CADM2: variants seen among roughly 807,000 people sequenced by gnomAD.
CADM2 encodes the protein immunoglobulin superfamily member 4D.
A neutral mutation model predicts 49.8 loss-of-function variants in CADM2; 12 were observed. The observed-to-expected ratio is 0.24, with a 90% CI of 0.15 to 0.39. The LOEUF (loss-of-function observed/expected upper bound fraction) is 0.39, where lower values mean the gene tolerates loss of function less well. CADM2 is among the 10% of genes least tolerant of loss of function. CADM2 has a pLI of 1.00. For missense variants in CADM2, 378 were observed against 492.3 expected, an observed-to-expected ratio of 0.77 and a Z score of 2.20; for synonymous variants, 214 against 175.4, an observed-to-expected ratio of 1.22 and a Z score of -1.74.
At position 85,288,062 on chromosome 3, in the gene CADM2, A is replaced by G. The variant is rs532326086; in HGVS notation, c.61+328394A>G. On this transcript the variant is annotated intron_variant, in intron 1 of 9. Transcript: ENST00000383699. The stretch of plus-strand genomic sequence containing the variant: ...GTATACATATGTAACAAACCTGCAC[A>G]TTGTGCACATATACCCTAAAACTTA... Among the ~76,000 whole-genome samples the G allele has an allele frequency of 5.9e-5, 9 of 152,178 alleles. No individual in the cohort carries two copies. The East Asian group carries it at 1.5e-3, about 26-fold the overall frequency.
rs535424672 is a variant in CADM2, at chr3:85,896,417, C to T, written c.529+10090C>T. ...TTTGAATATATAAAGATCTGCCATT[C>T]GGTAATAAGAAATGTATAAGTTTTA... is the stretch of plus-strand genomic sequence containing the variant. On this transcript the variant is annotated intron_variant, in intron 5 of 9. Transcript: ENST00000383699. 2.7e-4 allele frequency among the ~76,000 whole-genome samples: 41 copies of T among 152,222 alleles called. No individual in the cohort carries two copies. The South Asian group carries it at 5.8e-3, about 22-fold the overall frequency.
intron 1 of CADM2, among the ~76,000 whole-genome samples, chr3:85,081,620 C>T (rs2037168391): frequency 6.6e-6 from 1 of 152,080 alleles, no homozygotes; most frequent in Non-Finnish European, 1.5e-5. Context: ...CTCAGTGATT[C>T]CTTTTGAGTT....
chr3:85,530,897 CACACACACACACACACAA>C (rs1315508549), intron 1 of CADM2, among the ~76,000 whole-genome samples: 1 of 150,308 alleles, frequency 6.7e-6, no homozygotes, highest in South Asian at 2.1e-4. Context: ...CACACACACA[CACACACACACACACACAA>C]AATTCATTAT....
chr3:84,977,301 G>A (rs2031880542), intron 1 of CADM2, among the ~76,000 whole-genome samples: 2 of 151,970 alleles, frequency 1.3e-5, no homozygotes, highest in Admixed American at 1.3e-4. Context: ...TAAGAACTTA[G>A]GATGATATTT....
intron 8 of CADM2, among the ~76,000 whole-genome samples, chr3:86,009,780 AT>A (rs1731266356): frequency 6.6e-6 from 1 of 151,784 alleles, no homozygotes; most frequent in African/African-American, 2.4e-5. Context: ...TTATTTTTTA[AT>A]TGACAAATAA....
intron 1 of CADM2, among the ~76,000 whole-genome samples, chr3:85,362,833 C>T (rs749992907): frequency 2.0e-5 from 3 of 152,106 alleles, no homozygotes. Context: ...ATCACATTCC[C>T]ATGAATACTG....
At chr3:85,910,282 A>C (rs543550876) in intron 5 of CADM2, among the ~76,000 whole-genome samples, 5 of 152,230 alleles carry the variant, frequency 3.3e-5, no homozygotes, top group Admixed American at 1.3e-4. Context: ...ATATTTTCTT[A>C]CTCTGACACT....
At chr3:85,740,632 G>C (rs529441463) in intron 2 of CADM2, among the ~76,000 whole-genome samples, 1 of 152,026 alleles carries the variant, frequency 6.6e-6, no homozygotes, top group Non-Finnish European at 1.5e-5. Flanking sequence ...TATCTATGCA[G>C]TTTACCACCA....
chr3:85,976,878 G>C (rs1282365001), intron 8 of CADM2, among the ~76,000 whole-genome samples: 1 of 151,412 alleles, frequency 6.6e-6, no homozygotes, highest in African/African-American at 2.4e-5. Flanking sequence ...ATGTTGTTTT[G>C]AAGTGGATTA....
At chr3:85,949,197 C>CT (rs927788758) in intron 7 of CADM2, among the ~76,000 whole-genome samples, 7 of 150,612 alleles carry the variant, frequency 4.6e-5, no homozygotes, top group South Asian at 2.1e-4. Flanking sequence ...ATTTATATGA[C>CT]TTTTTTTTAA....
chr3:85,406,340 C>T (rs1227197136), intron 1 of CADM2, among the ~76,000 whole-genome samples: 2 of 151,910 alleles, frequency 1.3e-5, no homozygotes, highest in Non-Finnish European at 2.9e-5. Context: ...TATTTTTACA[C>T]ATCACAAATA....
At chr3:85,365,196 T>TC (rs2032668490) in intron 1 of CADM2, among the ~76,000 whole-genome samples, 1 of 99,560 alleles carries the variant, frequency 1.0e-5, no homozygotes, top group Non-Finnish European at 2.3e-5. Flanking sequence ...TTTTTTTTTT[T>TC]TACTTTTTTT....
At chr3:85,015,814 G>T (rs997592171) in intron 1 of CADM2, among the ~76,000 whole-genome samples, 1 of 152,158 alleles carries the variant, frequency 6.6e-6, no homozygotes, top group East Asian at 1.9e-4. Context: ...GGTTTTCAAA[G>T]GGGTGAACTA....
intron 1 of CADM2, among the ~76,000 whole-genome samples, chr3:85,216,839 T>C (rs2041939450): frequency 6.6e-6 from 1 of 152,094 alleles, no homozygotes; most frequent in South Asian, 2.1e-4. Flanking sequence ...ATATTTTCTT[T>C]GTAGAATAGG....
chr3:85,289,474 A>G (rs2043721296), intron 1 of CADM2, among the ~76,000 whole-genome samples: 1 of 152,224 alleles, frequency 6.6e-6, no homozygotes, highest in African/African-American at 2.4e-5. Flanking sequence ...AAGATAAGAA[A>G]TGTTGATTAT....
At chr3:85,272,965 A>G (rs1445900870) in intron 1 of CADM2, among the ~76,000 whole-genome samples, 2 of 151,432 alleles carry the variant, frequency 1.3e-5, no homozygotes, top group Non-Finnish European at 3.0e-5. Flanking sequence ...ATGATGAACA[A>G]CAACAACAAT....
Position 85,640,098 on chromosome 3 carries a change from C to T in CADM2, c.62-86424C>T, listed in dbSNP as rs183521768. Among the ~76,000 whole-genome samples, 4 of 152,250 alleles carry T rather than the reference C, an allele frequency of 2.6e-5. No individual in the cohort carries two copies. The East Asian group carries it at 5.8e-4, about 22-fold the overall frequency. On this transcript the variant is annotated intron_variant, in intron 1 of 9. Transcript: ENST00000383699. ...GAGGACCTTGTTCCTCAATGTCCTC[C>T]GTGTAATTCTGTGGTCTCCTGCCTC...
intron 1 of CADM2, among the ~76,000 whole-genome samples, chr3:85,710,607 G>A (rs1335774405): frequency 6.6e-6 from 1 of 152,084 alleles, no homozygotes; most frequent in Non-Finnish European, 1.5e-5. Flanking sequence ...ATTGAGGACA[G>A]TTTAATACAG....
chr3:85,795,332 T>C (rs2071557927), intron 2 of CADM2, among the ~76,000 whole-genome samples: 1 of 152,162 alleles, frequency 6.6e-6, no homozygotes, highest in South Asian at 2.1e-4. Context: ...ATTCATAGCT[T>C]TGAGACTTTT....
Sources: gnomAD v4.1 joint callset for allele counts (sites outside exome capture counted in the v4.1 genomes callset) on GRCh38, gnomAD v4.1.1 for gene constraint, MANE v1.5 for transcripts, NCBI Gene and HGNC (gene_info 2026-07-23, HGNC 2026-07-21) for gene names.